The following GNAI3 variants were observed in gnomAD, a reference collection of about 807,000 sequenced individuals.
GNAI3 encodes the protein G protein subunit alpha i3, also known as guanine nucleotide-binding protein G(i) subunit alpha-3.
GNAI3 carries 12 observed loss-of-function variants against 41.8 expected under a neutral mutation model. The observed-to-expected ratio is 0.29, with a 90% confidence interval of 0.18 to 0.47. The LOEUF (loss-of-function observed/expected upper bound fraction) is 0.47, where lower values mean the gene tolerates loss of function less well. GNAI3 is among the 20% of genes least tolerant of loss of function. GNAI3 has a pLI of 1.00. For missense variants in GNAI3, 360 were observed against 429.6 expected (o/e 0.84, Z 1.43); for synonymous variants, 132 against 146.5 (o/e 0.90, Z 0.71).
At position 109,597,798 on chromosome 1, in the gene GNAI3, G is replaced by A. The variant is rs1219640429; in HGVS notation, c.*5476G>A. 6.6e-6 allele frequency: 1 copy of A among 152,192 alleles called. No homozygotes were observed. The highest frequency in any genetic ancestry group is 6.5e-5 in the Admixed American group (1 of 15,280). The allele number at this position is 152,192 out of a possible 1,614,324, so 9.4% of individuals were successfully genotyped here. ...AGATAAAACCCTGTGACAGATAACA[G>A]TATATGTAATAACATGAATATTTAT... On this transcript the variant is annotated 3_prime_UTR_variant, in exon 9 of 9. Coordinates refer to ENST00000369851, the MANE Select transcript of GNAI3 (RefSeq NM_006496.4).
At chr1:109,577,019 T>G (rs1448807937) in intron 3 of GNAI3, among the ~76,000 whole-genome samples, 2 of 150,724 alleles carry the variant, frequency 1.3e-5, no homozygotes, top group Non-Finnish European at 2.9e-5. Flanking sequence ...TTTTCTGTTT[T>G]TTTTTTTTTT....
chr1:109,556,045 C>CTTTTT (rs1220346155), intron 1 of GNAI3, among the ~76,000 whole-genome samples: 1 of 135,256 alleles, frequency 7.4e-6, no homozygotes, highest in Non-Finnish European at 1.6e-5. Context: ...CATTCTTTTT[C>CTTTTT]TTTTTTTTTT....
intron 1 of GNAI3, among the ~76,000 whole-genome samples, chr1:109,564,269 T>G (rs1009204714): frequency 2.0e-5 from 3 of 152,130 alleles, no homozygotes; most frequent in Admixed American, 6.5e-5. Flanking sequence ...GCCTTTATTT[T>G]ATTTATTTAT....
chr1:109,580,821 T>C lies in GNAI3; in HGVS notation c.461+1460T>C, dbSNP rs186648512. 2.6e-3 allele frequency among the ~76,000 whole-genome samples: 403 copies of C among 152,344 alleles called. 7 individuals are homozygous for C. Among genetic ancestry groups the C allele is most frequent in the Non-Finnish European group, 2.8e-4 (19 of 68,030 alleles). ...GGATCACTAGCATACATTTATACAG[T>C]CTGTTGTTGACCAAAACATTGTTAT... On this transcript the variant is annotated intron_variant, in intron 4 of 8. Coordinates refer to ENST00000369851, the MANE Select transcript of GNAI3 (RefSeq NM_006496.4).
intron 6 of GNAI3, among the ~76,000 whole-genome samples, 158 bp from the exon 7 acceptor site, chr1:109,586,571 C>T (rs1649037622): frequency 6.6e-6 from 1 of 152,108 alleles, no homozygotes; most frequent in Admixed American, 6.5e-5. Context: ...CCAAAAATTA[C>T]AAAAATGAGG....
intron 1 of GNAI3, among the ~76,000 whole-genome samples, chr1:109,566,226 A>G (rs1040670406): frequency 6.6e-6 from 1 of 152,210 alleles, no homozygotes; most frequent in African/African-American, 2.4e-5. Context: ...TGCTTATAGC[A>G]TATGTAGAGG....
At chr1:109,572,840 G>A (rs1648644326) in intron 1 of GNAI3, among the ~76,000 whole-genome samples, 2 of 152,174 alleles carry the variant, frequency 1.3e-5, no homozygotes, top group South Asian at 2.1e-4. Context: ...ATGACCTTGA[G>A]TAGGTAAAAT....
intron 1 of GNAI3, among the ~76,000 whole-genome samples, chr1:109,573,200 G>A (rs1648654055): frequency 6.6e-6 from 1 of 152,150 alleles, no homozygotes; most frequent in East Asian, 1.9e-4. Flanking sequence ...AGTGATTCCA[G>A]CTGGCTAAGG....
rs1649304523 is a variant in GNAI3 at position 109,596,054 on chromosome 1, C to G, written c.*3732C>G. ...GGATCAGCCTCAGCTCTTTACATAG[C>G]TTTATGATCATCATATTTTGTTGTA... On this transcript the variant is annotated 3_prime_UTR_variant, in exon 9 of 9. Coordinates refer to ENST00000369851, the MANE Select transcript of GNAI3 (RefSeq NM_006496.4). The G allele has an allele frequency of 2.0e-5, 3 of 152,134 alleles. No homozygotes were observed. Among genetic ancestry groups the G allele is most frequent in the African/African-American group, 7.2e-5 (3 of 41,424 alleles). 9.4% of individuals were successfully genotyped at this position (152,134 alleles called of 1,614,324 possible). A position where few individuals can be genotyped will look rare whatever the true frequency, so the allele number is the denominator to read the frequency against.
chr1:109,591,553 C>CGT, intron 7 of GNAI3: 1 of 697,558 alleles, frequency 1.4e-6, no homozygotes, highest in Non-Finnish European at 2.5e-6. Flanking sequence ...GAACGCTTCA[C>CGT]GAATTTGCGT....
intron 3 of GNAI3, among the ~76,000 whole-genome samples, chr1:109,574,249 G>A (rs1399028287): frequency 6.6e-6 from 1 of 151,614 alleles, no homozygotes; most frequent in Non-Finnish European, 1.5e-5. Flanking sequence ...ATGGGATTCT[G>A]TGGGTGCACG....
chr1:109,561,475 C>T (rs1427312233), intron 1 of GNAI3, among the ~76,000 whole-genome samples: 1 of 152,152 alleles, frequency 6.6e-6, no homozygotes, highest in Non-Finnish European at 1.5e-5. Flanking sequence ...GCAGTTTTCC[C>T]ACTAATTTTC....
In GNAI3 at chr1:109,568,685, T is replaced by C. The variant is rs993872633; in HGVS notation, c.119-5052T>C. Among the ~76,000 whole-genome samples, 16 of 152,236 alleles carry C rather than the reference T, an allele frequency of 1.1e-4. 1 individual carries two copies. The highest frequency in any genetic ancestry group is 2.0e-4 in the Admixed American group (3 of 15,292). The stretch of plus-strand genomic sequence containing the variant: ...CAAACTGTAGATAAACACAGATGAT[T>C]TTCTTTTTCTTTTTGCCAGAACAAG... On this transcript the variant is annotated intron_variant, in intron 1 of 8. Transcript: ENST00000369851.
At chr1:109,561,638 T>C (rs1482544450) in intron 1 of GNAI3, among the ~76,000 whole-genome samples, 1 of 152,174 alleles carries the variant, frequency 6.6e-6, no homozygotes, top group Non-Finnish European at 1.5e-5. Flanking sequence ...TATACAGAAT[T>C]CTTAAGCAGT....
intron 7 of GNAI3, among the ~76,000 whole-genome samples, chr1:109,587,160 A>G (rs186283666): frequency 1.4e-3 from 215 of 152,290 alleles, no homozygotes; most frequent in African/African-American, 5.0e-3. Context: ...CATGGTGGCT[A>G]TAATTCTAGC....
rs779782192 is a variant in GNAI3 at position 109,596,387 on chromosome 1, T to C, written c.*4065T>C. The C allele has an allele frequency of 3.9e-5, 6 of 152,418 alleles. No individual in the cohort carries two copies. Among genetic ancestry groups the C allele is most frequent in the African/African-American group, 9.7e-5 (4 of 41,442 alleles). 9.4% of individuals were successfully genotyped at this position (152,418 alleles called of 1,614,324 possible). On this transcript the variant is annotated 3_prime_UTR_variant, in exon 9 of 9. Transcript: ENST00000369851. ...TTTTCTTTTTTTGAGACAGTCTTGC[T>C]CTGTTGCCCAGGCTGGAGTACAGTG...
rs1349843211 is a variant in GNAI3 at position 109,595,157 on chromosome 1, A to G, written c.*2835A>G. 1.3e-5 allele frequency: 2 copies of G among 152,208 alleles called. No homozygotes were observed. Among genetic ancestry groups the G allele is most frequent in the East Asian group, 1.9e-4 (1 of 5,200 alleles). 9.4% of individuals were successfully genotyped at this position (152,208 alleles called of 1,614,324 possible). A position where few individuals can be genotyped will look rare whatever the true frequency, so the allele number is the denominator to read the frequency against. Reference sequence around the variant, plus strand: ...GAATGCTGGAGATTTGTGATGGATAATGTTTCAGAATTCAGGTGCCTATGC... The same window carrying G: ...GAATGCTGGAGATTTGTGATGGATAGTGTTTCAGAATTCAGGTGCCTATGC... On this transcript the variant is annotated 3_prime_UTR_variant, in exon 9 of 9. Coordinates refer to ENST00000369851, the MANE Select transcript of GNAI3 (RefSeq NM_006496.4).
chr1:109,575,172 GT>G (rs796677606), intron 3 of GNAI3, among the ~76,000 whole-genome samples: 7 of 152,286 alleles, frequency 4.6e-5, no homozygotes, highest in African/African-American at 1.7e-4. Flanking sequence ...GAGCAGGGAA[GT>G]TTGGCAGTCA....
intron 7 of GNAI3, chr1:109,591,717 C>G: frequency 2.7e-6 from 1 of 369,700 alleles, no homozygotes; most frequent in African/African-American, 2.1e-5. Flanking sequence ...GTTGTGTTCC[C>G]TAGAAATGCA....
Sources: allele counts gnomAD v4.1 joint callset (sites outside exome capture counted in the v4.1 genomes callset), GRCh38; gene constraint gnomAD v4.1.1; transcripts MANE v1.5; gene names NCBI Gene and HGNC (gene_info 2026-07-23, HGNC 2026-07-21).